Variants in MCPH1 observed in about 807,000 individuals in gnomAD.
MCPH1 encodes microcephalin.
In MCPH1, 104 loss-of-function variants were observed where a neutral mutation model predicts 84.5. The observed-to-expected ratio is 1.23, with a 90% CI of 1.05 to 1.45. MCPH1 has a LOEUF of 1.45. Among genes scored for constraint, MCPH1 ranks in the 40% most tolerant of loss-of-function variants. MCPH1 has a pLI of 0.00. For missense variants in MCPH1, 1,498 were observed against 1,005.7 expected (o/e 1.49, Z -6.62); for synonymous variants, 514 against 366.8 (o/e 1.40, Z -4.58).
chr8:6,473,412 G>T lies in MCPH1; in HGVS notation c.1936-4182G>T, dbSNP rs188477651. Among the ~76,000 whole-genome samples the T allele has an allele frequency of 4.7e-5, 6 of 128,208 alleles. No homozygotes were observed. In the East Asian group the frequency reaches 7.7e-4, roughly 16 times the overall value. 84.1% of individuals were successfully genotyped at this position (128,208 alleles called of 152,430 possible). On this transcript the variant is annotated intron_variant, in intron 9 of 13. Coordinates refer to ENST00000344683, the MANE Select transcript of MCPH1 (RefSeq NM_024596.5). Reference sequence around the variant, plus strand: ...GTGGCACGATCTTGGCTCACTGCAAGCTCCGTCTCCCCAGGTTCACGCCAT... The same window carrying T: ...GTGGCACGATCTTGGCTCACTGCAATCTCCGTCTCCCCAGGTTCACGCCAT...
At chr8:6,612,183 G>T (rs1175785224) in intron 12 of MCPH1, among the ~76,000 whole-genome samples, 1 of 152,142 alleles carries the variant, frequency 6.6e-6, no homozygotes, top group Non-Finnish European at 1.5e-5. Context: ...GGGGCTCACT[G>T]CCAGGAACCC....
intron 6 of MCPH1, among the ~76,000 whole-genome samples, chr8:6,440,058 C>G (rs1249469362): frequency 6.6e-6 from 1 of 152,114 alleles, no homozygotes; most frequent in Non-Finnish European, 1.5e-5. Flanking sequence ...GCTTTATTTA[C>G]TTAAGAGTAT....
chr8:6,581,394 G>A (rs1827553855), intron 12 of MCPH1, among the ~76,000 whole-genome samples: 1 of 152,192 alleles, frequency 6.6e-6, no homozygotes, highest in African/African-American at 2.4e-5. Flanking sequence ...ATGTCCCTAT[G>A]CTATTTGTAA....
chr8:6,425,857 G>C (rs1024507649), intron 3 of MCPH1, among the ~76,000 whole-genome samples: 1 of 152,118 alleles, frequency 6.6e-6, no homozygotes, highest in African/African-American at 2.4e-5. Context: ...TGATGATGGT[G>C]GTGATTTTAA....
At chr8:6,431,431 G>C (rs1801816187) in intron 3 of MCPH1, 68 bp from the exon 4 acceptor site, 2 of 1,179,886 alleles carry the variant, frequency 1.7e-6, no homozygotes, top group African/African-American at 1.5e-5. Flanking sequence ...TACATGTGCA[G>C]ATTTAGTGCT....
chr8:6,508,676 T>A, intron 12 of MCPH1: 1 of 594,342 alleles, frequency 1.7e-6, no homozygotes, highest in African/African-American at 1.9e-5. Flanking sequence ...GAATCAAATA[T>A]CCCCTCTCCT....
Position 6,445,459 on chromosome 8 carries a change from G to A in MCPH1, c.1737G>A (p.Gln579=), listed in dbSNP as rs1563220971. The A allele has an allele frequency of 6.2e-7, 1 of 1,614,102 alleles. No individual in the cohort carries two copies. The highest frequency in any genetic ancestry group is 1.7e-5 in the Admixed American group (1 of 60,008). Residue 579 remains glutamine, a synonymous_variant, in exon 8 of 14, where the codon CAG becomes CAA. Coordinates refer to ENST00000344683, the MANE Select transcript of MCPH1 (RefSeq NM_024596.5). ...KISNSSEGEA[Q]SEHEPCFIVD... The stretch of plus-strand genomic sequence containing the variant: ...CAAACTCCTCTGAAGGCGAAGCCCA[G>A]AGTGAACATGAGCCATGTTTTATAG...
chr8:6,456,549 G>A (rs567248197), intron 9 of MCPH1, among the ~76,000 whole-genome samples: 25 of 152,094 alleles, frequency 1.6e-4, no homozygotes, highest in Non-Finnish European at 3.1e-4. Context: ...CCACAGCTCT[G>A]TTCTGTGCCC....
chr8:6,470,137 G>A (rs978388893), intron 9 of MCPH1, among the ~76,000 whole-genome samples: 19 of 152,100 alleles, frequency 1.2e-4, no homozygotes, highest in African/African-American at 4.6e-4. Context: ...AAATTTGTGA[G>A]ATGTGTCTAG....
At chr8:6,440,802 A>C (rs2442512) in intron 6 of MCPH1, among the ~76,000 whole-genome samples, 107,528 of 152,164 alleles carry the variant, frequency 0.71, 40,822 homozygotes, top group Non-Finnish European at 0.83. Context: ...CTTTGTCCAT[A>C]TGTATCAGTT....
intron 6 of MCPH1, among the ~76,000 whole-genome samples, chr8:6,440,876 C>T (rs1391944286): frequency 6.6e-6 from 1 of 152,174 alleles, no homozygotes; most frequent in Non-Finnish European, 1.5e-5. Context: ...ATAGAATTGC[C>T]TTTCTCTGTC....
At chr8:6,572,461 A>AT (rs1826739295) in intron 12 of MCPH1, among the ~76,000 whole-genome samples, 1 of 152,240 alleles carries the variant, frequency 6.6e-6, no homozygotes, top group African/African-American at 2.4e-5. Context: ...TGTTATTACA[A>AT]TTGTTAATGG....
chr8:6,568,048 G>C (rs548339730), intron 12 of MCPH1, among the ~76,000 whole-genome samples: 2 of 152,284 alleles, frequency 1.3e-5, no homozygotes, highest in Admixed American at 6.5e-5. Flanking sequence ...CTGTGGAACT[G>C]TCTCAAGTTC....
intron 13 of MCPH1, among the ~76,000 whole-genome samples, chr8:6,630,520 G>A (rs377414608): frequency 6.6e-6 from 1 of 152,044 alleles, no homozygotes; most frequent in Non-Finnish European, 1.5e-5. Context: ...AGTGGCTCAC[G>A]CCTGTAATCC....
intron 12 of MCPH1, among the ~76,000 whole-genome samples, chr8:6,597,072 G>A (rs1828986088): frequency 6.6e-6 from 1 of 152,214 alleles, no homozygotes; most frequent in Non-Finnish European, 1.5e-5. Flanking sequence ...CATCCAAGCA[G>A]GCTGGACTCA....
At chr8:6,625,698 G>C in intron 13 of MCPH1, 1 of 981,880 alleles carries the variant, frequency 1.0e-6, no homozygotes, top group Non-Finnish European at 1.2e-6. Context: ...GTGGGAGCTT[G>C]GCTTGAGCCC....
At chr8:6,474,133 A>G (rs1158645448) in intron 9 of MCPH1, 8 of 761,338 alleles carry the variant, frequency 1.1e-5, no homozygotes, top group Non-Finnish European at 2.0e-5. Context: ...CGTGGTAATC[A>G]ACAATAACTC....
chr8:6,457,696 C>T (rs533583167), intron 9 of MCPH1, among the ~76,000 whole-genome samples: 18 of 152,294 alleles, frequency 1.2e-4, no homozygotes, highest in East Asian at 7.7e-4. Flanking sequence ...CCGTCCTTAA[C>T]GTGGAGGGGA....
chr8:6,582,795 C>T (rs972066687), intron 12 of MCPH1, among the ~76,000 whole-genome samples: 6 of 152,200 alleles, frequency 3.9e-5, no homozygotes, highest in African/African-American at 1.4e-4. Context: ...ATTTCTAAGA[C>T]AGTGTGGTGC....
Sources: allele counts gnomAD v4.1 joint callset (sites outside exome capture counted in the v4.1 genomes callset), GRCh38; gene constraint gnomAD v4.1.1; transcripts MANE v1.5; gene names NCBI Gene and HGNC (gene_info 2026-07-23, HGNC 2026-07-21).